The following AGMO variants were observed in gnomAD, a reference collection of about 807,000 sequenced individuals.
The protein encoded by AGMO is alkylglycerol monooxygenase.
In AGMO, 75 loss-of-function variants were observed where a neutral mutation model predicts 60.2. That is an observed-to-expected ratio of 1.25 (90% CI 1.03 to 1.51). The LOEUF (loss-of-function observed/expected upper bound fraction) is 1.51, where lower values mean the gene tolerates loss of function less well. AGMO is among the 40% of genes most tolerant of loss of function. AGMO has a pLI of 0.00. For missense variants in AGMO, 763 were observed against 525.5 expected (o/e 1.45, Z -4.42); for synonymous variants, 261 against 177.1 (o/e 1.47, Z -3.76).
At chr7:15,326,528 T>C (rs1030623320) in intron 12 of AGMO, among the ~76,000 whole-genome samples, 1 of 152,212 alleles carries the variant, frequency 6.6e-6, no homozygotes, top group African/African-American at 2.4e-5. Context: ...GGATGCTTAC[T>C]AATGCTCTTA....
Position 15,400,592 on chromosome 7 carries a change from C to G in AGMO, c.610-6413G>C, listed in dbSNP as rs142761302. On this transcript the variant is annotated intron_variant, in intron 5 of 12. Transcript: ENST00000342526. ...AGGGAGTGAGTGTGGTGGTCATTAC[C>G]AGGACCAAAGGCAAAGCATGAGTCT... Among the ~76,000 whole-genome samples the G allele has an allele frequency of 8.3e-3, 1,266 of 152,126 alleles. 16 individuals carry two copies. Among genetic ancestry groups the G allele is most frequent in the African/African-American group, 0.029 (1,194 of 41,514 alleles).
chr7:15,450,248 G>A (rs1225458180), intron 3 of AGMO, among the ~76,000 whole-genome samples: 2 of 151,738 alleles, frequency 1.3e-5, no homozygotes, highest in Non-Finnish European at 2.9e-5. Context: ...GTGAAACCCC[G>A]TCTCTACTAA....
chr7:15,196,280 C>T (rs747314246), downstream of AGMO, among the ~76,000 whole-genome samples: 2 of 151,994 alleles, frequency 1.3e-5, no homozygotes, highest in Non-Finnish European at 2.9e-5. Context: ...AACTCCTGAC[C>T]TCATGTGATC....
At chr7:15,369,150 A>T (rs1386292028) in intron 10 of AGMO, among the ~76,000 whole-genome samples, 2 of 152,074 alleles carry the variant, frequency 1.3e-5, no homozygotes, top group Non-Finnish European at 2.9e-5. Flanking sequence ...CATGTGTTAC[A>T]AACAGCACAA....
intron 10 of AGMO, among the ~76,000 whole-genome samples, chr7:15,379,433 T>C (rs7458258): frequency 0.99 from 151,331 of 152,214 alleles, 75,228 homozygotes; most frequent in Middle Eastern, 1. Flanking sequence ...GAGGTTATTA[T>C]CAATGACCCC....
chr7:15,459,599 T>TTGTGTGTGTGTGTGTGTGTGTG (rs754526222), intron 3 of AGMO, among the ~76,000 whole-genome samples: 9,007 of 142,080 alleles, frequency 0.063, 669 homozygotes, highest in African/African-American at 0.16. Flanking sequence ...GTATGTGCGT[T>TTGTGTGTGTGTGTGTGTGTGTG]TGTGTGTGTG....
intron 12 of AGMO, among the ~76,000 whole-genome samples, chr7:15,275,069 T>C (rs1783740454): frequency 6.6e-6 from 1 of 152,114 alleles, no homozygotes; most frequent in African/African-American, 2.4e-5. Context: ...ATGTTTGTTA[T>C]TTCTTTTCTT....
At position 15,275,640 on chromosome 7, in the gene AGMO, G is replaced by T. The variant is rs375859849; in HGVS notation, c.1264-74281C>A. Among the ~76,000 whole-genome samples the T allele has an allele frequency of 2.0e-3, 305 of 152,194 alleles. 1 individual carries two copies. The highest frequency in any genetic ancestry group is 7.1e-3 in the African/African-American group (296 of 41,522). On this transcript the variant is annotated intron_variant, in intron 12 of 12. Coordinates refer to ENST00000342526, the MANE Select transcript of AGMO (RefSeq NM_001004320.2). ...TAATCTGCCTTCTGTCACCAGTGGG[G>T]TGTTAAGGTCCCCACTGCTATTGTG...
At chr7:15,533,252 T>C (rs1006390386) in intron 3 of AGMO, among the ~76,000 whole-genome samples, 2 of 152,078 alleles carry the variant, frequency 1.3e-5, no homozygotes, top group African/African-American at 4.8e-5. Flanking sequence ...TTCTTATTTA[T>C]CTCCATTCTC....
intron 3 of AGMO, among the ~76,000 whole-genome samples, chr7:15,518,788 A>C (rs1783896689): frequency 6.6e-6 from 1 of 152,010 alleles, no homozygotes; most frequent in Non-Finnish European, 1.5e-5. Flanking sequence ...CCTCGCCAGC[A>C]AGGAAACAAA....
the AGMO span, among the ~76,000 whole-genome samples, chr7:15,148,564 A>G: frequency 2.0e-5 from 3 of 151,578 alleles, no homozygotes; most frequent in Non-Finnish European, 2.9e-5. Context: ...GTTCCCACTT[A>G]TAAGTGGGAA....
chr7:15,226,903 G>C (rs773714504), intron 12 of AGMO, among the ~76,000 whole-genome samples: 4 of 151,974 alleles, frequency 2.6e-5, no homozygotes, highest in Non-Finnish European at 4.4e-5. Context: ...TGCAAGAAAT[G>C]TATCTCTCAA....
intron 3 of AGMO, among the ~76,000 whole-genome samples, chr7:15,466,949 T>C (rs1329540353): frequency 6.6e-6 from 1 of 152,070 alleles, no homozygotes; most frequent in Non-Finnish European, 1.5e-5. Flanking sequence ...TAATGGACAA[T>C]GATTAGTAAT....
chr7:15,250,556 AACACACACACAC>A (rs35821350), intron 12 of AGMO, among the ~76,000 whole-genome samples: 11 of 149,360 alleles, frequency 7.4e-5, no homozygotes, highest in African/African-American at 1.2e-4. Flanking sequence ...ACACACACTA[AACACACACACAC>A]ACACACACAC....
chr7:15,351,033 A>G (rs921905683), intron 12 of AGMO, among the ~76,000 whole-genome samples: 39 of 152,304 alleles, frequency 2.6e-4, no homozygotes, highest in Admixed American at 1.8e-3. Flanking sequence ...ATGAGATAGT[A>G]GGCATTCTAA....
At chr7:15,256,389 C>A (rs1482638608) in intron 12 of AGMO, among the ~76,000 whole-genome samples, 1 of 152,118 alleles carries the variant, frequency 6.6e-6, no homozygotes, top group East Asian at 1.9e-4. Context: ...GTCGCCCAGG[C>A]TGGAGTACGG....
intron 2 of AGMO, among the ~76,000 whole-genome samples, chr7:15,558,641 A>G (rs1785218586): frequency 6.6e-6 from 1 of 152,066 alleles, no homozygotes; most frequent in Non-Finnish European, 1.5e-5. Flanking sequence ...TCTGATTTCA[A>G]CTGCAAAATG....
At chr7:15,482,622 G>A (rs573056327) in intron 3 of AGMO, among the ~76,000 whole-genome samples, 2 of 152,218 alleles carry the variant, frequency 1.3e-5, no homozygotes, top group East Asian at 3.9e-4. Context: ...AAAAAGTAGG[G>A]ACACTTGTCA....
intron 2 of AGMO, among the ~76,000 whole-genome samples, chr7:15,553,264 A>G (rs1013787043): frequency 1.3e-5 from 2 of 151,948 alleles, no homozygotes; most frequent in Non-Finnish European, 2.9e-5. Flanking sequence ...TGGCACATGT[A>G]TACATATGTA....
Sources: allele counts gnomAD v4.1 joint callset (sites outside exome capture counted in the v4.1 genomes callset), GRCh38; gene constraint gnomAD v4.1.1; transcripts MANE v1.5; gene names NCBI Gene and HGNC (gene_info 2026-07-23, HGNC 2026-07-21).